CALD1: variants seen among roughly 807,000 people sequenced by gnomAD.
The protein encoded by CALD1 is caldesmon 1.
A neutral mutation model predicts 99.9 loss-of-function variants in CALD1; 33 were observed. That is an observed-to-expected ratio of 0.33 (90% confidence interval 0.25 to 0.44). The LOEUF (loss-of-function observed/expected upper bound fraction) is 0.44. Among genes scored for constraint, CALD1 ranks in the 20% least tolerant of loss-of-function variants. The pLI is 1.00. For synonymous variants in CALD1, 310 were observed against 325.0 expected (o/e 0.95, Z 0.50); for missense variants, 861 against 962.1 (o/e 0.89, Z 1.39).
intron 13 of CALD1, chr7:134,962,819 G>A (rs1251980391): frequency 2.2e-6 from 1 of 455,658 alleles, no homozygotes; most frequent in Non-Finnish European, 4.4e-6. Context: ...GTCTTTCTCA[G>A]CTGACCTTCT....
chr7:134,903,457 C>G (rs1803138214), intron 3 of CALD1, among the ~76,000 whole-genome samples: 1 of 152,082 alleles, frequency 6.6e-6, no homozygotes, highest in East Asian at 1.9e-4. Context: ...AACTCCTCTA[C>G]AAAAATAAAA....
upstream of CALD1, among the ~76,000 whole-genome samples, chr7:134,739,746 T>C (rs999068329): frequency 6.6e-5 from 10 of 152,102 alleles, no homozygotes; most frequent in African/African-American, 2.4e-4. Context: ...TCACTTCATG[T>C]GACTTCACGT....
intron 3 of CALD1, among the ~76,000 whole-genome samples, chr7:134,902,010 A>G (rs1000237148): frequency 6.6e-6 from 1 of 152,116 alleles, no homozygotes; most frequent in Non-Finnish European, 1.5e-5. Context: ...CCATCATCTG[A>G]GTATACATAC....
intron 3 of CALD1, among the ~76,000 whole-genome samples, chr7:134,871,461 T>C (rs1351162059): frequency 6.6e-6 from 1 of 152,238 alleles, no homozygotes; most frequent in Non-Finnish European, 1.5e-5. Flanking sequence ...ACAAGCTCTA[T>C]TTTGGGTACT....
rs550858433 is a variant in CALD1 at position 134,887,287 on chromosome 7, T to C, written c.71+19483T>C. Reference sequence around the variant, plus strand: ...AGGGGATGGGAGATGCCGTCGTCTATGAGGGGAAAACTATGAGAGGCCAAC... The same window carrying C: ...AGGGGATGGGAGATGCCGTCGTCTACGAGGGGAAAACTATGAGAGGCCAAC... On this transcript the variant is annotated intron_variant, in intron 3 of 14. Transcript: ENST00000361675. 5.9e-5 allele frequency among the ~76,000 whole-genome samples: 9 copies of C among 152,206 alleles called. No homozygotes were observed. In the South Asian group the frequency reaches 1.9e-3, roughly 32 times the overall value.
intron 1 of CALD1, among the ~76,000 whole-genome samples, chr7:134,766,345 C>A (rs1172227770): frequency 6.6e-6 from 1 of 151,674 alleles, no homozygotes; most frequent in African/African-American, 2.4e-5. Flanking sequence ...GCAGTTTCAC[C>A]ATGTTGGCCA....
intron 3 of CALD1, among the ~76,000 whole-genome samples, chr7:134,907,264 T>TA (rs375727828): frequency 2.6e-5 from 4 of 151,624 alleles, no homozygotes; most frequent in African/African-American, 7.3e-5. Flanking sequence ...TCATAGAAAA[T>TA]AAAAAAACCA....
At chr7:134,775,434 G>A (rs752902246), upstream of CALD1, among the ~76,000 whole-genome samples, 11 of 152,162 alleles carry the variant, frequency 7.2e-5, no homozygotes, top group Non-Finnish European at 1.2e-4. Context: ...GAATGCGGCC[G>A]GGCACTGTGG....
At chr7:134,949,826 T>C (rs1337353494) in intron 8 of CALD1, among the ~76,000 whole-genome samples, 1 of 151,978 alleles carries the variant, frequency 6.6e-6, no homozygotes, top group African/African-American at 2.4e-5. Context: ...TCCAATCTTT[T>C]GGCTTCCCTG....
intron 6 of CALD1, 53 bp from the exon 7 acceptor site, chr7:134,941,039 A>G: frequency 6.6e-7 from 1 of 1,508,710 alleles, no homozygotes; most frequent in Non-Finnish European, 8.9e-7. Flanking sequence ...ACCAACCAAA[A>G]CCTAATAAGA....
intron 1 of CALD1, among the ~76,000 whole-genome samples, chr7:134,784,851 G>A (rs926802089): frequency 2.0e-5 from 3 of 152,134 alleles, no homozygotes; most frequent in Non-Finnish European, 1.5e-5. Context: ...TCAGCTCAGC[G>A]CACGTGTCTG....
intron 2 of CALD1, among the ~76,000 whole-genome samples, chr7:134,854,572 G>A (rs1031222966): frequency 2.0e-5 from 3 of 152,086 alleles, no homozygotes; most frequent in Non-Finnish European, 2.9e-5. Flanking sequence ...GGCCATACAC[G>A]CTACTGAAGG....
upstream of CALD1, among the ~76,000 whole-genome samples, chr7:134,775,470 G>A (rs570293395): frequency 3.9e-5 from 6 of 152,202 alleles, no homozygotes; most frequent in Non-Finnish European, 8.8e-5. Flanking sequence ...CCAGCACTTT[G>A]GGAGGCCGAG....
intron 3 of CALD1, 173 bp downstream of exon 3, chr7:134,867,977 G>A (rs1800880879): frequency 2.2e-5 from 9 of 414,654 alleles, no homozygotes; most frequent in Admixed American, 8.4e-5. Context: ...ATTTAAAAAA[G>A]GAAAACAAAC....
At chr7:134,745,910 T>C (rs892957807) in intron 1 of CALD1, among the ~76,000 whole-genome samples, 1 of 152,200 alleles carries the variant, frequency 6.6e-6, no homozygotes, top group Middle Eastern at 3.2e-3. Flanking sequence ...ACCCTTTTGT[T>C]GTGGTGATAG....
At chr7:134,769,942 G>A (rs895397412) in intron 1 of CALD1, among the ~76,000 whole-genome samples, 34 of 152,254 alleles carry the variant, frequency 2.2e-4, no homozygotes, top group Admixed American at 6.5e-4. Flanking sequence ...TCTGCCAATA[G>A]TCTAGATTCT....
intron 1 of CALD1, among the ~76,000 whole-genome samples, chr7:134,807,648 G>A (rs1208615804): frequency 6.6e-6 from 1 of 152,156 alleles, no homozygotes; most frequent in Non-Finnish European, 1.5e-5. Flanking sequence ...GTTATGAAAT[G>A]ACCTAAGCCA....
intron 4 of CALD1, among the ~76,000 whole-genome samples, chr7:134,931,743 G>T (rs1805537075): frequency 6.6e-6 from 1 of 152,114 alleles, no homozygotes; most frequent in Admixed American, 6.5e-5. Context: ...GGGAGGTGAT[G>T]GACAACAGTT....
intron 3 of CALD1, among the ~76,000 whole-genome samples, chr7:134,912,247 G>A (rs1803869303): frequency 6.6e-6 from 1 of 152,230 alleles, no homozygotes; most frequent in Non-Finnish European, 1.5e-5. Context: ...TGCACCCCCA[G>A]AGGGGAGAAC....
Sources: allele counts gnomAD v4.1 joint callset (sites outside exome capture counted in the v4.1 genomes callset), GRCh38; gene constraint gnomAD v4.1.1; transcripts MANE v1.5; gene names NCBI Gene and HGNC (gene_info 2026-07-23, HGNC 2026-07-21).